ADCK1: variants seen among roughly 807,000 people sequenced by gnomAD.
ADCK1 encodes the protein aarF domain containing kinase 1, also known as aarF domain-containing protein kinase 1.
Under a neutral mutation model 52.3 loss-of-function variants are expected in ADCK1, and 41 were observed. The ratio of observed to expected loss-of-function variants is 0.78; its 90% CI spans 0.61 to 1.02. ADCK1 has a LOEUF of 1.02. Among genes scored for constraint, ADCK1 ranks in the 50% least tolerant of loss-of-function variants. The pLI is 0.00. For synonymous variants in ADCK1, 250 were observed against 274.6 expected (o/e 0.91, Z 0.89); for missense variants, 658 against 679.5 (o/e 0.97, Z 0.35).
At chr14:77,870,281 A>G (rs927918448) in intron 4 of ADCK1, among the ~76,000 whole-genome samples, 4 of 152,214 alleles carry the variant, frequency 2.6e-5, no homozygotes, top group African/African-American at 9.6e-5. Context: ...AGCTCTGATG[A>G]CATCTCCACT....
At chr14:77,834,860 C>T (rs1294806905) in intron 3 of ADCK1, among the ~76,000 whole-genome samples, 1 of 152,260 alleles carries the variant, frequency 6.6e-6, no homozygotes, top group Non-Finnish European at 1.5e-5. Flanking sequence ...AGGACCTACA[C>T]TTCTAACAAG....
At chr14:77,872,664 C>T (rs2082807866) in intron 4 of ADCK1, among the ~76,000 whole-genome samples, 1 of 140,822 alleles carries the variant, frequency 7.1e-6, no homozygotes, top group Non-Finnish European at 1.5e-5. Context: ...CCCCAGGTCC[C>T]CTTTCCCCAC....
chr14:77,810,594 G>A (rs1401150736), intron 1 of ADCK1, among the ~76,000 whole-genome samples: 2 of 149,026 alleles, frequency 1.3e-5, no homozygotes, highest in African/African-American at 2.5e-5. Context: ...GCAGTGGCAC[G>A]ATTTCAGCTC....
At chr14:77,810,617 G>A (rs1185859921) in intron 1 of ADCK1, among the ~76,000 whole-genome samples, 1 of 149,106 alleles carries the variant, frequency 6.7e-6, no homozygotes, top group African/African-American at 2.5e-5. Context: ...TGCAAGCTAT[G>A]CCTCCCGGGT....
At chr14:77,872,080 C>T (rs553654602) in intron 4 of ADCK1, among the ~76,000 whole-genome samples, 1 of 152,274 alleles carries the variant, frequency 6.6e-6, no homozygotes, top group African/African-American at 2.4e-5. Flanking sequence ...GAGGAAACCT[C>T]GCAGGTCAAG....
At chr14:77,845,632 C>T (rs919715594) in intron 3 of ADCK1, among the ~76,000 whole-genome samples, 11 of 152,140 alleles carry the variant, frequency 7.2e-5, no homozygotes, top group African/African-American at 2.2e-4. Context: ...ACCATGTTGA[C>T]CAGGTTGGTC....
intron 3 of ADCK1, among the ~76,000 whole-genome samples, chr14:77,826,706 A>G (rs574751411): frequency 6.6e-6 from 1 of 152,088 alleles, no homozygotes. Context: ...GATGTAGTGG[A>G]TATTTGTTAA....
chr14:77,897,767 C>T (rs1490353849), intron 5 of ADCK1, among the ~76,000 whole-genome samples: 2 of 152,190 alleles, frequency 1.3e-5, no homozygotes, highest in African/African-American at 4.8e-5. Flanking sequence ...AAACATTCAA[C>T]TTAAGAAATA....
intron 3 of ADCK1, among the ~76,000 whole-genome samples, chr14:77,836,587 C>T (rs2081963748): frequency 6.6e-6 from 1 of 152,126 alleles, no homozygotes; most frequent in Admixed American, 6.6e-5. Context: ...GAAGTTTATT[C>T]TCCTACATTT....
chr14:77,881,648 T>C (rs1389514149), intron 4 of ADCK1, among the ~76,000 whole-genome samples: 1 of 152,194 alleles, frequency 6.6e-6, no homozygotes, highest in African/African-American at 2.4e-5. Context: ...TTTCTCACCC[T>C]TTTCCCCCCT....
At position 77,843,683 on chromosome 14, in the gene ADCK1, G is replaced by A. The variant is rs566972537; in HGVS notation, c.220-15393G>A. ...TTGCTGTTTGCTGAGGGCTTGCACA[G>A]TCACATCAGCTCATTTGTTGGGATT... On this transcript the variant is annotated intron_variant, in intron 3 of 10. Coordinates refer to ENST00000238561, the MANE Select transcript of ADCK1 (RefSeq NM_020421.4). 1.1e-3 allele frequency among the ~76,000 whole-genome samples: 163 copies of A among 152,324 alleles called. 1 individual carries two copies. The highest frequency in any genetic ancestry group is 6.8e-3 in the Middle Eastern group (2 of 294).
At position 77,933,320 on chromosome 14, in the gene ADCK1, C is replaced by T. The variant is rs779077621; in HGVS notation, c.1501C>T (p.Arg501Cys). The stretch of plus-strand genomic sequence containing the variant: ...GATCAACCTCCATGAGCTCATCCTG[C>T]GTGTGAAGGGGTTGAAGCTGGCTGA... The part of the protein sequence containing the change: ...WQINLHELIL[R>C]VKGLKLADRV... The change falls in exon 11 of 11, where the codon CGT (arginine) becomes TGT (cysteine). Residue 501 changes from arginine to cysteine, a missense_variant. Physicochemically the swap from Arg to Cys is radical, Grantham distance 180. Transcript: ENST00000238561. The T allele has an allele frequency of 4.5e-5, 72 of 1,614,056 alleles. No homozygotes were observed. The highest frequency in any genetic ancestry group is 3.3e-4 in the Middle Eastern group (2 of 6,084).
intron 4 of ADCK1, among the ~76,000 whole-genome samples, chr14:77,876,484 T>C (rs2082901882): frequency 6.6e-6 from 1 of 152,244 alleles, no homozygotes; most frequent in Non-Finnish European, 1.5e-5. Flanking sequence ...AAAGTATCTT[T>C]TGCCATATAA....
chr14:77,896,443 C>T lies in ADCK1; in HGVS notation c.583-2657C>T, dbSNP rs762081353. Among the ~76,000 whole-genome samples, 18 of 152,250 alleles carry T rather than the reference C, an allele frequency of 1.2e-4. 1 individual carries two copies. Among genetic ancestry groups the T allele is most frequent in the Non-Finnish European group, 1.5e-4 (10 of 68,044 alleles). On this transcript the variant is annotated intron_variant, in intron 5 of 10. Coordinates refer to ENST00000238561, the MANE Select transcript of ADCK1 (RefSeq NM_020421.4). ...TTGTGGCCCCTTTCCTTGCCCCTCT[C>T]GGGCGAGACCCTCTGGAGTTGAGAT...
At chr14:77,827,453 A>G (rs1425891009) in intron 3 of ADCK1, among the ~76,000 whole-genome samples, 5 of 59,308 alleles carry the variant, frequency 8.4e-5, no homozygotes, top group Non-Finnish European at 2.0e-4. Context: ...CTACCAGGAA[A>G]TTCTTTTTTT....
intron 4 of ADCK1, among the ~76,000 whole-genome samples, chr14:77,872,432 G>T (rs2082800498): frequency 1.3e-5 from 2 of 152,136 alleles, no homozygotes; most frequent in African/African-American, 4.8e-5. Flanking sequence ...TTCCGCTCCG[G>T]GCTGGCCTCT....
In ADCK1 at chr14:77,925,770, A is replaced by G. The variant is rs1433729666; in HGVS notation, c.1015A>G (p.Thr339Ala). Residue 339 changes from threonine (T) to alanine (A), a missense_variant, in exon 9 of 11, where the codon ACG (threonine) becomes GCG (alanine). Thr to Ala is a moderately conservative substitution (Grantham distance 58, BLOSUM62 0). Transcript: ENST00000238561. ...GCTGCCGCCTCCACCCTAGATGCTCACGGAAGAATTCCGCCTGAATTACTG... is the reference window on the plus strand; with the variant it reads ...GCTGCCGCCTCCACCCTAGATGCTCGCGGAAGAATTCCGCCTGAATTACTG... ...LLDHGLYQML[T>A]EEFRLNYCHL... 2.5e-6 allele frequency: 4 copies of G among 1,613,946 alleles called. No homozygotes were observed. The highest frequency in any genetic ancestry group is 3.4e-6 in the Non-Finnish European group (4 of 1,179,910).
intron 7 of ADCK1, among the ~76,000 whole-genome samples, chr14:77,920,459 G>T (rs1397420282): frequency 7.2e-5 from 11 of 152,218 alleles, no homozygotes; most frequent in Admixed American, 7.2e-4. Flanking sequence ...CGGTCTACGT[G>T]CTTATTTTTA....
chr14:77,811,999 T>C (rs574082112), intron 1 of ADCK1, among the ~76,000 whole-genome samples: 3 of 152,348 alleles, frequency 2.0e-5, no homozygotes, highest in East Asian at 1.9e-4. Context: ...TCCAGCTTTA[T>C]TGAGGTGTAA....
Sources: allele counts gnomAD v4.1 joint callset (sites outside exome capture counted in the v4.1 genomes callset), GRCh38; gene constraint gnomAD v4.1.1; transcripts MANE v1.5; gene names NCBI Gene and HGNC (gene_info 2026-07-23, HGNC 2026-07-21).